TSPAN9: variants seen among roughly 807,000 people sequenced by gnomAD.
TSPAN9 encodes tetraspanin-9.
In TSPAN9, 16 loss-of-function variants were observed where a neutral mutation model predicts 31.0. The ratio of observed to expected loss-of-function variants is 0.52; its 90% CI spans 0.35 to 0.78. TSPAN9 has a LOEUF of 0.78. Ranked by LOEUF, TSPAN9 falls within the 30% of genes least tolerant of loss-of-function variation. The pLI, the probability that TSPAN9 is intolerant of heterozygous loss-of-function variation, is 0.01. For synonymous variants in TSPAN9, 145 were observed against 121.6 expected (o/e 1.19, Z -1.27); for missense variants, 272 against 312.5 (o/e 0.87, Z 0.98).
At chr12:3,260,915 A>G (rs1862437098) in intron 3 of TSPAN9, among the ~76,000 whole-genome samples, 1 of 152,180 alleles carries the variant, frequency 6.6e-6, no homozygotes, top group Non-Finnish European at 1.5e-5. Flanking sequence ...AAGAATATGG[A>G]AATGATGAGC....
At chr12:3,211,716 C>T (rs2098378821) in intron 3 of TSPAN9, 2 of 1,596,624 alleles carry the variant, frequency 1.3e-6, no homozygotes, top group Admixed American at 3.3e-5. Context: ...GCTTTTCCTC[C>T]TGTAGGCTGG....
rs867828009 is a variant in TSPAN9, at chr12:3,109,299, T to A, written c.-18+25580T>A. Among the ~76,000 whole-genome samples, 313 of 118,338 alleles carry A rather than the reference T, an allele frequency of 2.6e-3. 2 individuals are homozygous for A. Among genetic ancestry groups the A allele is most frequent in the African/African-American group, 0.01 (223 of 21,988 alleles). 77.6% of individuals were successfully genotyped at this position (118,338 alleles called of 152,430 possible). On this transcript the variant is annotated intron_variant, in intron 2 of 8. Coordinates refer to ENST00000011898, the MANE Select transcript of TSPAN9 (RefSeq NM_006675.5). ...GTGTGTGTGTGTGTGTGTGTGTGTG[T>A]GAGAGAGAGTGTGTGTGTGTGTGTG...
intron 2 of TSPAN9, among the ~76,000 whole-genome samples, chr12:3,159,057 C>G (rs1195338842): frequency 6.6e-6 from 1 of 151,996 alleles, no homozygotes; most frequent in Non-Finnish European, 1.5e-5. Context: ...CTCCCCACCC[C>G]CTGCCAGGGA....
intron 3 of TSPAN9, among the ~76,000 whole-genome samples, chr12:3,273,645 C>T (rs1189741559): frequency 2.0e-5 from 3 of 152,228 alleles, no homozygotes; most frequent in Admixed American, 2.0e-4. Flanking sequence ...GGCCTTGCCT[C>T]CTTCCTGTGC....
At chr12:3,090,114 TTATC>T (rs2098303477) in intron 2 of TSPAN9, among the ~76,000 whole-genome samples, 1 of 152,210 alleles carries the variant, frequency 6.6e-6, no homozygotes, top group Non-Finnish European at 1.5e-5. Flanking sequence ...GTCCACCTAT[TTATC>T]TTCTCAATTT....
intron 2 of TSPAN9, among the ~76,000 whole-genome samples, chr12:3,145,280 C>T (rs2098336629): frequency 6.6e-6 from 1 of 152,234 alleles, no homozygotes; most frequent in Admixed American, 6.5e-5. Flanking sequence ...AGGCTCTCTC[C>T]CGTTGTGTCC....
At chr12:3,201,068 C>T in intron 2 of TSPAN9, 109 bp from the exon 3 acceptor site, 1 of 1,069,604 alleles carries the variant, frequency 9.3e-7, no homozygotes, top group Non-Finnish European at 1.4e-6. Flanking sequence ...CGCGGGCTCC[C>T]GGGGCCAGAG....
chr12:3,134,073 G>A (rs1335084464), intron 2 of TSPAN9, among the ~76,000 whole-genome samples: 1 of 152,208 alleles, frequency 6.6e-6, no homozygotes, highest in Non-Finnish European at 1.5e-5. Context: ...CTTGCAGGGT[G>A]TCAGGCTCCA....
intron 3 of TSPAN9, among the ~76,000 whole-genome samples, chr12:3,232,499 A>G (rs1428011940): frequency 6.6e-6 from 1 of 152,194 alleles, no homozygotes; most frequent in African/African-American, 2.4e-5. Flanking sequence ...GCTCCCTGCA[A>G]TTGGTCCATG....
chr12:3,108,249 T>G (rs1002670688), intron 2 of TSPAN9, among the ~76,000 whole-genome samples: 2 of 152,238 alleles, frequency 1.3e-5, no homozygotes, highest in Non-Finnish European at 2.9e-5. Context: ...TAGTAGGTAC[T>G]CTGTGAATAT....
intron 2 of TSPAN9, among the ~76,000 whole-genome samples, chr12:3,111,485 A>G (rs1262869659): frequency 6.6e-6 from 1 of 152,030 alleles, no homozygotes; most frequent in African/African-American, 2.4e-5. Flanking sequence ...AACTTACCTG[A>G]TGAGGTTTAT....
Position 3,278,408 on chromosome 12 carries a change from C to T in TSPAN9, c.64-13C>T, listed in dbSNP as rs759853315. ...GAGCAGCGCCAGGCTAATGGGCTTTCCTTCCTTTCCAGCTCTGTGGCTGTG... is the reference window on the plus strand; with the variant it reads ...GAGCAGCGCCAGGCTAATGGGCTTTTCTTCCTTTCCAGCTCTGTGGCTGTG... On this transcript the variant is annotated splice_polypyrimidine_tract_variant and intron_variant, in intron 3 of 8. Transcript: ENST00000011898. 4.3e-6 allele frequency: 7 copies of T among 1,613,718 alleles called. No homozygotes were observed. In the African/African-American group the frequency reaches 6.7e-5, roughly 15 times the overall value.
In TSPAN9 at chr12:3,201,214, C is replaced by T. The variant is rs1362949039; in HGVS notation, c.21C>T (p.Cys7=). 1.2e-6 allele frequency: 2 copies of T among 1,614,160 alleles called. No homozygotes were observed. Among genetic ancestry groups the T allele is most frequent in the African/African-American group, 1.3e-5 (1 of 75,056 alleles). ...GCAACATGGCCAGGGGCTGCCTCTGCTGCTTGAAGTACATGATGTTCCTCT... is the reference window on the plus strand; with the variant it reads ...GCAACATGGCCAGGGGCTGCCTCTGTTGCTTGAAGTACATGATGTTCCTCT... MARGCL[C]CLKYMMFLFN... is the part of the protein sequence containing the mutation. Residue 7 remains cysteine, a synonymous_variant, in exon 3 of 9, where the codon TGC becomes TGT. Coordinates refer to ENST00000011898, the MANE Select transcript of TSPAN9 (RefSeq NM_006675.5).
chr12:3,265,139 A>G (rs1862517233), intron 3 of TSPAN9, among the ~76,000 whole-genome samples: 1 of 152,212 alleles, frequency 6.6e-6, no homozygotes, highest in Non-Finnish European at 1.5e-5. Flanking sequence ...CCTGCTGAGT[A>G]ACTAACTGGC....
At chr12:3,264,792 C>T (rs974440058) in intron 3 of TSPAN9, among the ~76,000 whole-genome samples, 2 of 152,226 alleles carry the variant, frequency 1.3e-5, no homozygotes, top group African/African-American at 2.4e-5. Flanking sequence ...TCATTTAATC[C>T]TGACGACGAC....
rs148135411 is a variant in TSPAN9, at chr12:3,274,761, G to A, written c.64-3660G>A. Among the ~76,000 whole-genome samples the A allele has an allele frequency of 5.0e-3, 757 of 152,360 alleles. 13 individuals carry two copies. Among genetic ancestry groups the A allele is most frequent in the African/African-American group, 0.017 (706 of 41,594 alleles). ...AAGATGGGAGCAGAGAGCTCATCTC[G>A]GCAGGAGCCCCTTGAGGATGGGAGC... On this transcript the variant is annotated intron_variant, in intron 3 of 8. Transcript: ENST00000011898.
chr12:3,225,570 T>C (rs1030664705), intron 3 of TSPAN9, among the ~76,000 whole-genome samples: 6 of 152,066 alleles, frequency 3.9e-5, no homozygotes, highest in Non-Finnish European at 8.8e-5. Context: ...GCCTGTGGGA[T>C]GGGGGACCGT....
At chr12:3,230,913 T>C (rs1185791026) in intron 3 of TSPAN9, among the ~76,000 whole-genome samples, 2 of 151,978 alleles carry the variant, frequency 1.3e-5, no homozygotes, top group Non-Finnish European at 2.9e-5. Context: ...CCCCATTCAG[T>C]AGGATCTCAG....
At chr12:3,203,405 G>A (rs745642664) in intron 3 of TSPAN9, among the ~76,000 whole-genome samples, 2 of 152,210 alleles carry the variant, frequency 1.3e-5, no homozygotes, top group Non-Finnish European at 2.9e-5. Context: ...TCTCACACTT[G>A]CCTCTGATAA....
Sources: gnomAD v4.1 joint callset for allele counts (sites outside exome capture counted in the v4.1 genomes callset) on GRCh38, gnomAD v4.1.1 for gene constraint, MANE v1.5 for transcripts, NCBI Gene and HGNC (gene_info 2026-07-23, HGNC 2026-07-21) for gene names.